Variants in PDE1A observed in about 807,000 individuals in gnomAD.
PDE1A encodes phosphodiesterase 1A, also known as dual specificity calcium/calmodulin-dependent 3',5'-cyclic nucleotide phosphodiesterase 1A.
A neutral mutation model predicts 61.7 loss-of-function variants in PDE1A; 35 were observed. That is an observed-to-expected ratio of 0.57 (90% CI 0.43 to 0.75). The LOEUF is 0.75. Among genes scored for constraint, PDE1A ranks in the 30% least tolerant of loss-of-function variants. The pLI, the probability that PDE1A is intolerant of heterozygous loss-of-function variation, is 0.00. For missense variants in PDE1A, 597 were observed against 630.6 expected, an observed-to-expected ratio of 0.95 and a Z score of 0.57; for synonymous variants, 232 against 213.2, an observed-to-expected ratio of 1.09 and a Z score of -0.77.
chr2:182,460,010 A>G (rs989390036), intron 2 of PDE1A, among the ~76,000 whole-genome samples: 1 of 152,236 alleles, frequency 6.6e-6, no homozygotes, highest in South Asian at 2.1e-4. Flanking sequence ...ACAACTGCCA[A>G]GTCATCTTTT....
At chr2:182,532,962 A>AAAAAC in the PDE1A span, among the ~76,000 whole-genome samples, 1 of 145,942 alleles carries the variant, frequency 6.9e-6, no homozygotes, top group Admixed American at 6.8e-5. Context: ...AAAAAAAAAA[A>AAAAAC]AAAAAAAAAA....
chr2:182,594,408 C>G, the PDE1A span, among the ~76,000 whole-genome samples: 1 of 152,226 alleles, frequency 6.6e-6, no homozygotes, highest in African/African-American at 2.4e-5. Context: ...CTAGTCCTCA[C>G]AGCAACTCCT....
At chr2:182,336,620 G>A (rs191973709) in intron 1 of PDE1A, among the ~76,000 whole-genome samples, 14 of 152,190 alleles carry the variant, frequency 9.2e-5, no homozygotes, top group Admixed American at 2.6e-4. Context: ...GCCTGTCAGC[G>A]GGTAGGGGGC....
intron 2 of PDE1A, among the ~76,000 whole-genome samples, chr2:182,257,229 A>G (rs565496220): frequency 6.6e-6 from 1 of 152,204 alleles, no homozygotes; most frequent in Admixed American, 6.5e-5. Flanking sequence ...CCTGTTCCAC[A>G]CCTCCAATTT....
chr2:182,247,872 T>G (rs969507252), intron 2 of PDE1A, among the ~76,000 whole-genome samples: 4 of 152,226 alleles, frequency 2.6e-5, no homozygotes, highest in African/African-American at 4.8e-5. Flanking sequence ...CTATCATAGT[T>G]AATTTTGTTT....
At chr2:182,529,542 T>C in the PDE1A span, among the ~76,000 whole-genome samples, 1 of 152,190 alleles carries the variant, frequency 6.6e-6, no homozygotes, top group Non-Finnish European at 1.5e-5. Flanking sequence ...GTTAATACTT[T>C]GGGGGACTGT....
chr2:182,344,746 T>G (rs1439182943), intron 1 of PDE1A, among the ~76,000 whole-genome samples: 3 of 96,466 alleles, frequency 3.1e-5, no homozygotes, highest in Non-Finnish European at 5.9e-5. Flanking sequence ...TGTCTCTCTC[T>G]CTCTCACACA....
chr2:182,404,908 T>C (rs1702217050), intron 1 of PDE1A, among the ~76,000 whole-genome samples: 1 of 152,194 alleles, frequency 6.6e-6, no homozygotes, highest in African/African-American at 2.4e-5. Context: ...CTCTATAAAA[T>C]AACAATAAAA....
At chr2:182,626,784 T>TATATATATAC in the PDE1A span, among the ~76,000 whole-genome samples, 1 of 5,334 alleles carries the variant, frequency 1.9e-4, no homozygotes, top group African/African-American at 4.3e-4. Context: ...TATATATACA[T>TATATATATAC]ATATATACAT....
At chr2:182,460,445 C>T (rs1470784304) in intron 2 of PDE1A, among the ~76,000 whole-genome samples, 2 of 152,260 alleles carry the variant, frequency 1.3e-5, no homozygotes, top group South Asian at 2.1e-4. Context: ...CACTATGTTT[C>T]CCAGGCTTGC....
the PDE1A span, among the ~76,000 whole-genome samples, chr2:182,689,825 A>C: frequency 6.6e-6 from 1 of 152,230 alleles, no homozygotes. Context: ...AAATAGATGC[A>C]ATAAAAAAAT....
At chr2:182,279,230 G>T (rs949057434) in intron 1 of PDE1A, among the ~76,000 whole-genome samples, 5 of 151,898 alleles carry the variant, frequency 3.3e-5, no homozygotes, top group African/African-American at 9.7e-5. Flanking sequence ...ACAACGGTCT[G>T]TAGTAGGAGA....
At chr2:182,600,393 CT>C in the PDE1A span, among the ~76,000 whole-genome samples, 5 of 152,112 alleles carry the variant, frequency 3.3e-5, no homozygotes, top group Admixed American at 6.5e-5. Context: ...TAAAAGTACT[CT>C]TACTGTTTTG....
At chr2:182,287,151 T>A (rs368920258) in intron 1 of PDE1A, among the ~76,000 whole-genome samples, 1 of 152,054 alleles carries the variant, frequency 6.6e-6, no homozygotes, top group Admixed American at 6.6e-5. Context: ...TGAAACAAAC[T>A]CTTCCCCTAT....
chr2:182,532,101 AC>A, the PDE1A span, among the ~76,000 whole-genome samples: 1 of 104,924 alleles, frequency 9.5e-6, no homozygotes, highest in East Asian at 4.3e-4. Flanking sequence ...AAATCTTAAC[AC>A]CATTTTGGTA....
chr2:182,389,605 T>G (rs1429575848), intron 1 of PDE1A, among the ~76,000 whole-genome samples: 2 of 152,214 alleles, frequency 1.3e-5, no homozygotes, highest in Non-Finnish European at 2.9e-5. Context: ...TCACAGCTGT[T>G]AGAAGAGCTA....
chr2:182,529,703 T>C, the PDE1A span, among the ~76,000 whole-genome samples: 52 of 152,314 alleles, frequency 3.4e-4, 1 homozygote, highest in African/African-American at 7.0e-4. Flanking sequence ...TGGGAGATAA[T>C]TGAATCATGG....
intron 1 of PDE1A, among the ~76,000 whole-genome samples, chr2:182,291,522 A>C (rs1694535300): frequency 6.6e-6 from 1 of 152,110 alleles, no homozygotes; most frequent in Non-Finnish European, 1.5e-5. Flanking sequence ...TCAACTCTTC[A>C]AGGCTCTGGT....
chr2:182,683,662 TAAAAC>T, the PDE1A span, among the ~76,000 whole-genome samples: 1 of 151,718 alleles, frequency 6.6e-6, no homozygotes, highest in African/African-American at 2.4e-5. Context: ...CCGATAAAAA[TAAAAC>T]AAAACAAAGT....
Sources: gnomAD v4.1 joint callset for allele counts (sites outside exome capture counted in the v4.1 genomes callset) on GRCh38, gnomAD v4.1.1 for gene constraint, MANE v1.5 for transcripts, NCBI Gene and HGNC (gene_info 2026-07-23, HGNC 2026-07-21) for gene names.